The following TRMT9B variants were observed in gnomAD, a reference collection of about 807,000 sequenced individuals.
The protein encoded by TRMT9B is probable tRNA methyltransferase 9B.
TRMT9B carries 16 observed loss-of-function variants against 11.5 expected under a neutral mutation model. The ratio of observed to expected loss-of-function variants is 1.39; its 90% confidence interval spans 0.94 to 2.11. The LOEUF (loss-of-function observed/expected upper bound fraction) is 2.11, where lower values mean the gene tolerates loss of function less well. Among genes scored for constraint, TRMT9B ranks in the 30% most tolerant of loss-of-function variants. The pLI, the probability that TRMT9B is intolerant of heterozygous loss-of-function variation, is 0.00. For missense variants in TRMT9B, 941 were observed against 553.8 expected, an observed-to-expected ratio of 1.70 and a Z score of -7.02; for synonymous variants, 274 against 192.4, an observed-to-expected ratio of 1.42 and a Z score of -3.51.
chr8:13,017,489 T>C (rs1300070547), intron 4 of TRMT9B, among the ~76,000 whole-genome samples: 3 of 152,206 alleles, frequency 2.0e-5, no homozygotes, highest in Admixed American at 6.5e-5. Flanking sequence ...TTTCCAGACA[T>C]TGATATTTCG....
intron 1 of TRMT9B, among the ~76,000 whole-genome samples, chr8:12,981,573 G>C (rs1382943883): frequency 6.6e-6 from 1 of 151,764 alleles, no homozygotes; most frequent in East Asian, 1.9e-4. Context: ...GTTTATTTTT[G>C]CTTTCCTTTC....
At chr8:12,953,008 G>A (rs998944018) in intron 1 of TRMT9B, among the ~76,000 whole-genome samples, 4 of 152,128 alleles carry the variant, frequency 2.6e-5, no homozygotes, top group Non-Finnish European at 4.4e-5. Flanking sequence ...AAAGTGCTGG[G>A]ATTACAGGCG....
intron 1 of TRMT9B, among the ~76,000 whole-genome samples, chr8:12,969,154 C>G (rs1803234118): frequency 2.0e-5 from 3 of 152,124 alleles, no homozygotes; most frequent in Non-Finnish European, 4.4e-5. Context: ...TTGCAGTGAG[C>G]TGAGATTGCG....
chr8:12,974,438 G>A (rs1804115369), intron 1 of TRMT9B, among the ~76,000 whole-genome samples: 1 of 152,174 alleles, frequency 6.6e-6, no homozygotes. Flanking sequence ...GTGACCTGGA[G>A]AGCATTTACT....
At chr8:12,988,489 T>C (rs1173638032) in intron 1 of TRMT9B, among the ~76,000 whole-genome samples, 2 of 152,188 alleles carry the variant, frequency 1.3e-5, no homozygotes, top group Non-Finnish European at 2.9e-5. Flanking sequence ...AGAGGTTTAA[T>C]TGACTCACAG....
chr8:12,950,898 G>A (rs1470857101), intron 1 of TRMT9B, among the ~76,000 whole-genome samples: 2 of 152,112 alleles, frequency 1.3e-5, no homozygotes, highest in Non-Finnish European at 2.9e-5. Context: ...CCTACGCTGG[G>A]GATCAGGAGC....
chr8:12,955,461 C>T, intron 1 of TRMT9B, among the ~76,000 whole-genome samples: 1 of 152,090 alleles, frequency 6.6e-6, no homozygotes, highest in Non-Finnish European at 1.5e-5. Context: ...GGGTCCCGAT[C>T]ATTATTTCCC....
intron 2 of TRMT9B, among the ~76,000 whole-genome samples, chr8:12,992,624 G>A (rs961066543): frequency 2.0e-5 from 3 of 152,000 alleles, no homozygotes; most frequent in Admixed American, 6.6e-5. Context: ...GGCCGGGTTA[G>A]GCAGATCACC....
At chr8:12,952,865 G>A (rs536598718) in intron 1 of TRMT9B, among the ~76,000 whole-genome samples, 53 of 152,244 alleles carry the variant, frequency 3.5e-4, no homozygotes, top group African/African-American at 1.3e-3. Context: ...TCAGTCTTCT[G>A]AGTAGCTGGG....
In TRMT9B at chr8:13,023,079, C is replaced by T. The variant is rs1205896488; in HGVS notation, c.*1035C>T. On this transcript the variant is annotated 3_prime_UTR_variant, in exon 5 of 5. Transcript: ENST00000524591. ...TATATGCAAGTACCCAAGTGGTATTCTTCCAATCTTATTAGAAGCATGAAT... is the reference window on the plus strand; with the variant it reads ...TATATGCAAGTACCCAAGTGGTATTTTTCCAATCTTATTAGAAGCATGAAT... The T allele has an allele frequency of 6.0e-6, 1 of 167,062 alleles. No individual in the cohort carries two copies. Among genetic ancestry groups the T allele is most frequent in the African/African-American group, 2.4e-5 (1 of 41,448 alleles). The allele number at this position is 167,062 out of a possible 1,614,324, so 10.3% of individuals were successfully genotyped here. A position where few individuals can be genotyped will look rare whatever the true frequency, so the allele number is the denominator to read the frequency against.
rs1481979442 is a variant in TRMT9B, at chr8:13,021,365, T to C, written c.686T>C (p.Ile229Thr). The C allele has an allele frequency of 5.0e-6, 8 of 1,614,064 alleles. No homozygotes were observed. The highest frequency in any genetic ancestry group is 1.1e-5 in the South Asian group (1 of 91,076). The change falls in exon 5 of 5, where the codon ATT becomes ACT. Residue 229 changes from isoleucine (I) to threonine (T), a missense_variant. Coordinates refer to ENST00000524591, the MANE Select transcript of TRMT9B (RefSeq NM_020844.3). ...PAMARTCFAN[I>T]SKEGEEEYGF... ...ATGGCAAGAACCTGTTTTGCAAATA[T>C]TTCTAAGGAAGGCGAGGAAGAATAT...
chr8:12,950,863 C>CA (rs1800552292), intron 1 of TRMT9B, among the ~76,000 whole-genome samples: 1 of 152,152 alleles, frequency 6.6e-6, no homozygotes. Context: ...GAACTGGAAA[C>CA]AACAGCTCGA....
intron 1 of TRMT9B, among the ~76,000 whole-genome samples, chr8:12,990,258 C>G (rs28424015): frequency 0.025 from 3,848 of 152,242 alleles, 169 homozygotes; most frequent in African/African-American, 0.088. Flanking sequence ...CCTATCATAT[C>G]AGGCATCTCT....
chr8:12,963,247 A>G (rs2128864045), intron 1 of TRMT9B, among the ~76,000 whole-genome samples: 2 of 152,250 alleles, frequency 1.3e-5, no homozygotes, highest in Admixed American at 1.3e-4. Flanking sequence ...GCTGGCCAAT[A>G]TAGTGAAACA....
Position 13,011,804 on chromosome 8 carries a change from T to A in TRMT9B, c.155-880T>A, listed in dbSNP as rs146855730. ...GTATACTGGACCCATAGAGATCATT[T>A]TAAATGTAGCAATGAATAGAGATTG... On this transcript the variant is annotated intron_variant, in intron 3 of 4. Transcript: ENST00000524591. The A allele has an allele frequency of 8.6e-4, 828 of 960,188 alleles. 9 individuals carry two copies. The African/African-American group carries it at 0.013, about 15-fold the overall frequency. 59.5% of individuals were successfully genotyped at this position (960,188 alleles called of 1,614,324 possible).
chr8:13,024,904 A>G lies in TRMT9B; in HGVS notation c.*2860A>G, dbSNP rs1235350161. Reference sequence around the variant, plus strand: ...TTTTAAATTTAACTTCCGCCTTTGGATTTTTTTTAAAAAGCCATTGAAGAG... The same window carrying G: ...TTTTAAATTTAACTTCCGCCTTTGGGTTTTTTTTAAAAAGCCATTGAAGAG... On this transcript the variant is annotated 3_prime_UTR_variant, in exon 5 of 5. Transcript: ENST00000524591. 1.8e-5 allele frequency: 3 copies of G among 166,940 alleles called. No individual in the cohort carries two copies. The East Asian group carries it at 5.8e-4, about 32-fold the overall frequency. 10.3% of individuals were successfully genotyped at this position (166,940 alleles called of 1,614,324 possible). A position where few individuals can be genotyped will look rare whatever the true frequency, so the allele number is the denominator to read the frequency against.
intron 1 of TRMT9B, among the ~76,000 whole-genome samples, chr8:12,977,621 A>T (rs913551423): frequency 1.5e-4 from 23 of 152,172 alleles, no homozygotes; most frequent in Non-Finnish European, 2.9e-5. Flanking sequence ...GAATCACTTG[A>T]ACACGGGAGG....
At chr8:12,976,706 G>T (rs757505237) in intron 1 of TRMT9B, among the ~76,000 whole-genome samples, 7 of 152,182 alleles carry the variant, frequency 4.6e-5, no homozygotes, top group Non-Finnish European at 8.8e-5. Flanking sequence ...TGTCAGCAAG[G>T]TTAAGAAAAC....
At chr8:12,958,962 A>G (rs1801680667) in intron 1 of TRMT9B, among the ~76,000 whole-genome samples, 3 of 152,120 alleles carry the variant, frequency 2.0e-5, no homozygotes, top group African/African-American at 7.2e-5. Context: ...GGGCTGTGGG[A>G]GGGATAGCAT....
Sources: gnomAD v4.1 joint callset for allele counts (sites outside exome capture counted in the v4.1 genomes callset) on GRCh38, gnomAD v4.1.1 for gene constraint, MANE v1.5 for transcripts, NCBI Gene and HGNC (gene_info 2026-07-23, HGNC 2026-07-21) for gene names.